Variants in OTUD4 observed in about 807,000 individuals in gnomAD.
The protein encoded by OTUD4 is OTU domain-containing protein 4.
OTUD4 carries 24 observed loss-of-function variants against 130.4 expected under a neutral mutation model. The observed-to-expected ratio is 0.18, with a 90% CI of 0.13 to 0.26. OTUD4 has a LOEUF of 0.26. Among genes scored for constraint, OTUD4 ranks in the 10% least tolerant of loss-of-function variants. The pLI, the probability that OTUD4 is intolerant of heterozygous loss-of-function variation, is 1.00. For missense variants in OTUD4, 1,031 were observed against 1,329.4 expected, an observed-to-expected ratio of 0.78 and a Z score of 3.49; for synonymous variants, 420 against 472.5, an observed-to-expected ratio of 0.89 and a Z score of 1.44.
chr4:145,162,975 A>G (rs1560992910), intron 5 of OTUD4, among the ~76,000 whole-genome samples: 1 of 152,232 alleles, frequency 6.6e-6, no homozygotes, highest in East Asian at 1.9e-4. Context: ...TAAAAATAAT[A>G]TATGAAAACA....
At chr4:145,155,865 A>C (rs1344208877) in intron 8 of OTUD4, 71 bp downstream of exon 8, 1 of 1,322,562 alleles carries the variant, frequency 7.6e-7, no homozygotes, top group Admixed American at 2.3e-5. Context: ...AAAAGAAAAA[A>C]ATTAAGATTT....
At chr4:145,178,999 T>C (rs2126818533) in intron 1 of OTUD4, among the ~76,000 whole-genome samples, 1 of 152,096 alleles carries the variant, frequency 6.6e-6, no homozygotes, top group South Asian at 2.1e-4. Context: ...TATTTTTCAA[T>C]ATAGGATGGG....
At chr4:145,140,140 A>T (rs765465866) in intron 19 of OTUD4, 149 bp from the exon 20 acceptor site, 8 of 349,348 alleles carry the variant, frequency 2.3e-5, no homozygotes, top group Non-Finnish European at 2.7e-5. Context: ...AAAAACTGTA[A>T]TATAACACAA....
intron 13 of OTUD4, among the ~76,000 whole-genome samples, chr4:145,147,163 T>G (rs1170768736): frequency 2.0e-5 from 3 of 152,154 alleles, no homozygotes; most frequent in Admixed American, 2.0e-4. Flanking sequence ...AAATGGAACA[T>G]GAAAATCTAA....
chr4:145,157,159 A>G (rs910198838), intron 7 of OTUD4, among the ~76,000 whole-genome samples: 16 of 152,204 alleles, frequency 1.1e-4, no homozygotes, highest in African/African-American at 9.7e-5. Flanking sequence ...TAAAAACTAA[A>G]TAAGTAATAA....
At chr4:145,178,802 T>A (rs1752548403) in intron 1 of OTUD4, among the ~76,000 whole-genome samples, 1 of 152,176 alleles carries the variant, frequency 6.6e-6, no homozygotes, top group African/African-American at 2.4e-5. Flanking sequence ...ATAGAAATTT[T>A]AAAAGTTATT....
At chr4:145,176,864 G>C (rs1039375861) in intron 1 of OTUD4, among the ~76,000 whole-genome samples, 8 of 152,226 alleles carry the variant, frequency 5.3e-5, no homozygotes, top group African/African-American at 1.9e-4. Flanking sequence ...TGGACGCCTA[G>C]TATGTCCTAT....
rs1174367724 is a variant in OTUD4, at chr4:145,137,910, A to G, written c.2865T>C (p.Pro955=). The G allele has an allele frequency of 6.2e-7, 1 of 1,613,900 alleles. No homozygotes were observed. The highest frequency in any genetic ancestry group is 8.5e-7 in the Non-Finnish European group (1 of 1,179,812). ...GAGGATGAGCCTTTCCCTCTGCTACAGGAGGGATGGAAGCCAATGCCGTAT... is the reference window on the plus strand; with the variant it reads ...GAGGATGAGCCTTTCCCTCTGCTACGGGAGGGATGGAAGCCAATGCCGTAT... The part of the protein sequence containing the change: ...KADTALASIP[P]VAEGKAHPPT... The change falls in exon 21 of 21, where the codon CCT becomes CCC. Residue 955 remains proline, a synonymous_variant. Coordinates refer to ENST00000447906, the MANE Select transcript of OTUD4 (RefSeq NM_001366057.1).
At position 145,138,511 on chromosome 4, in the gene OTUD4, G is replaced by A. The variant is rs772947085; in HGVS notation, c.2264C>T (p.Ala755Val). 55 of 1,614,034 alleles carry A rather than the reference G, an allele frequency of 3.4e-5. No homozygotes were observed. The highest frequency in any genetic ancestry group is 4.5e-5 in the Non-Finnish European group (53 of 1,180,030). The change falls in exon 21 of 21, where the codon GCT becomes GTT. Residue 755 changes from alanine (A) to valine (V), a missense_variant. By Grantham distance (64) the Ala-to-Val change is moderately conservative. Around this residue, in one of 3 missense-constraint regions of OTUD4, gnomAD observed 900 missense variants for 1,095.9 expected, o/e 0.82. Transcript: ENST00000447906. ...HNPWFQEAPA[A>V]QNESDCTCTD... The stretch of plus-strand genomic sequence containing the variant: ...ACAGGTACAATCACTTTCATTCTGA[G>A]CAGCAGGAGCCTCTTGGAACCAGGG...
intron 15 of OTUD4, 32 bp downstream of exon 15, chr4:145,144,279 A>T (rs1195477640): frequency 6.3e-7 from 1 of 1,596,978 alleles, no homozygotes; most frequent in South Asian, 1.1e-5. Flanking sequence ...AGAGATCTCT[A>T]GCATCTGCTT....
chr4:145,179,748 T>TGCCCCC, intron 1 of OTUD4, 67 bp downstream of exon 1: 1 of 1,398,084 alleles, frequency 7.2e-7, no homozygotes, highest in Non-Finnish European at 9.4e-7. Flanking sequence ...CGCAGCTGCC[T>TGCCCCC]CCCCACCCAG....
At chr4:145,149,990 A>G (rs1273792227) in intron 13 of OTUD4, among the ~76,000 whole-genome samples, 2 of 152,226 alleles carry the variant, frequency 1.3e-5, no homozygotes, top group African/African-American at 2.4e-5. Flanking sequence ...TATGATCCTA[A>G]AAGTTCATCT....
chr4:145,147,226 G>A (rs538075588), intron 13 of OTUD4, among the ~76,000 whole-genome samples: 2 of 152,038 alleles, frequency 1.3e-5, no homozygotes, highest in African/African-American at 2.4e-5. Context: ...TATCCTCCTC[G>A]AGTAGAGCAC....
chr4:145,137,264 T>A lies in OTUD4; in HGVS notation c.*166A>T. 1.7e-6 allele frequency: 1 copy of A among 577,662 alleles called. No individual in the cohort carries two copies. Among genetic ancestry groups the A allele is most frequent in the Admixed American group, 3.2e-5 (1 of 31,630 alleles). 35.8% of individuals were successfully genotyped at this position (577,662 alleles called of 1,614,324 possible). A position where few individuals can be genotyped will look rare whatever the true frequency, so the allele number is the denominator to read the frequency against. ...CAATGCCAGGAATTAACCTGCCCCC[T>A]TGAACTCATGTCCAAAATGTCTTGT... On this transcript the variant is annotated 3_prime_UTR_variant, in exon 21 of 21. Coordinates refer to ENST00000447906, the MANE Select transcript of OTUD4 (RefSeq NM_001366057.1).
chr4:145,156,077 A>C (rs1751275155), intron 7 of OTUD4, 81 bp from the exon 8 acceptor site: 1 of 1,116,346 alleles, frequency 9.0e-7, no homozygotes, highest in East Asian at 2.4e-5. Flanking sequence ...AAACGTCTTC[A>C]AAGTCAGAAC....
chr4:145,134,221 A>ATT lies in OTUD4; in HGVS notation c.*3207_*3208dup, dbSNP rs1489487332. 2.6e-5 allele frequency: 4 copies of ATT among 152,920 alleles called. No homozygotes were observed. The highest frequency in any genetic ancestry group is 5.9e-5 in the Non-Finnish European group (4 of 68,238). The allele number at this position is 152,920 out of a possible 1,614,324, so 9.5% of individuals were successfully genotyped here. ...AATAACATATTGGAAATGAGACATT[A>ATT]TTAGGATTTTAAACAAACAATAGCA... On this transcript the variant is annotated 3_prime_UTR_variant, in exon 21 of 21. Transcript: ENST00000447906.
chr4:145,175,198 C>T (rs541072559), intron 1 of OTUD4, among the ~76,000 whole-genome samples: 1 of 152,322 alleles, frequency 6.6e-6, no homozygotes, highest in Admixed American at 6.5e-5. Flanking sequence ...TTATTTTTCC[C>T]ATTAATTCTG....
intron 10 of OTUD4, 134 bp from the exon 11 acceptor site, chr4:145,152,769 T>C: frequency 3.4e-6 from 2 of 596,532 alleles, no homozygotes; most frequent in Non-Finnish European, 6.0e-6. Flanking sequence ...CAGGCTGAAG[T>C]GCAGAGGCAC....
At chr4:145,148,497 C>T (rs1579253375) in intron 13 of OTUD4, among the ~76,000 whole-genome samples, 2 of 146,318 alleles carry the variant, frequency 1.4e-5, no homozygotes, top group Admixed American at 1.4e-4. Context: ...GAAACTCCGT[C>T]TCAAAAAAAA....
Sources: gnomAD v4.1 joint callset for allele counts (sites outside exome capture counted in the v4.1 genomes callset) on GRCh38, gnomAD v4.1.1 for gene constraint, gnomAD v4.1.1 regional missense constraint, MANE v1.5 for transcripts, NCBI Gene and HGNC (gene_info 2026-07-23, HGNC 2026-07-21) for gene names.